NARS2: variants seen among roughly 807,000 people sequenced by gnomAD.
The protein encoded by NARS2 is asparaginyl-tRNA synthetase 2, mitochondrial, also known as asparaginyl-tRNA synthetase.
A neutral mutation model predicts 62.9 loss-of-function variants in NARS2; 60 were observed. The ratio of observed to expected loss-of-function variants is 0.95; its 90% confidence interval spans 0.77 to 1.18. NARS2 has a LOEUF of 1.18. NARS2 is among the 50% of genes most tolerant of loss of function. The pLI is 0.00. For synonymous variants in NARS2, 196 were observed against 200.0 expected (o/e 0.98, Z 0.17); for missense variants, 619 against 576.4 (o/e 1.07, Z -0.76).
intron 1 of NARS2, chr11:78,573,437 G>A (rs1283556824): frequency 6.6e-6 from 1 of 152,212 alleles, no homozygotes; most frequent in African/African-American, 2.4e-5. Flanking sequence ...TCTGGAGGCC[G>A]AGGCAGGAGG....
At chr11:78,454,297 T>C (rs10899505) in intron 11 of NARS2, among the ~76,000 whole-genome samples, 47,665 of 152,110 alleles carry the variant, frequency 0.31, 9,152 homozygotes, top group African/African-American at 0.53. Context: ...TGTGACCCTC[T>C]AATATTGGAG....
At chr11:78,443,861 C>A in intron 11 of NARS2, 103 bp from the exon 12 acceptor site, 1 of 735,940 alleles carries the variant, frequency 1.4e-6, no homozygotes, top group Admixed American at 2.3e-5. Flanking sequence ...GGCTAATTAA[C>A]TACCTACCAG....
At chr11:78,523,270 G>C (rs1861191664) in intron 6 of NARS2, among the ~76,000 whole-genome samples, 1 of 151,836 alleles carries the variant, frequency 6.6e-6, no homozygotes, top group Admixed American at 6.6e-5. Context: ...ACCATAATGA[G>C]ATACTACTTT....
chr11:78,566,946 C>G (rs1856764195), intron 3 of NARS2, among the ~76,000 whole-genome samples: 1 of 110,508 alleles, frequency 9.0e-6, no homozygotes, highest in South Asian at 3.2e-4. Context: ...CACTGGCAGC[C>G]TGTTTCTTTC....
chr11:78,450,155 C>A (rs1257717871), intron 11 of NARS2, among the ~76,000 whole-genome samples: 1 of 152,192 alleles, frequency 6.6e-6, no homozygotes, highest in East Asian at 1.9e-4. Flanking sequence ...GCACATAAAA[C>A]AGTTTTCCAT....
intron 6 of NARS2, among the ~76,000 whole-genome samples, chr11:78,514,644 C>G (rs1313856070): frequency 6.6e-6 from 1 of 152,170 alleles, no homozygotes. Flanking sequence ...CTTAGCCAGA[C>G]AGACCTCAGT....
chr11:78,447,258 G>C (rs754978685), intron 11 of NARS2, among the ~76,000 whole-genome samples: 1 of 151,654 alleles, frequency 6.6e-6, no homozygotes, highest in Non-Finnish European at 1.5e-5. Context: ...GGGTTCAAGC[G>C]ATCTCCTGCC....
intron 3 of NARS2, among the ~76,000 whole-genome samples, chr11:78,566,779 T>C (rs1205167187): frequency 6.6e-6 from 1 of 152,202 alleles, no homozygotes; most frequent in Non-Finnish European, 1.5e-5. Flanking sequence ...AGCAGAGTAG[T>C]AAAGATTTAC....
intron 9 of NARS2, among the ~76,000 whole-genome samples, chr11:78,476,341 T>G (rs1378046257): frequency 6.6e-6 from 1 of 152,118 alleles, no homozygotes; most frequent in African/African-American, 2.4e-5. Context: ...GAGACAGGAA[T>G]GGGCCTCCTA....
intron 5 of NARS2, among the ~76,000 whole-genome samples, chr11:78,541,097 T>G (rs546512768): frequency 3.3e-4 from 51 of 152,264 alleles, no homozygotes; most frequent in African/African-American, 1.2e-3. Flanking sequence ...AGGCAGAGGT[T>G]GTTGTGAGCT....
intron 7 of NARS2, among the ~76,000 whole-genome samples, chr11:78,480,640 G>A (rs758797935): frequency 5.3e-5 from 8 of 149,652 alleles, no homozygotes; most frequent in Non-Finnish European, 1.0e-4. Flanking sequence ...AAAAATTGGT[G>A]AGCATGTGGC....
At chr11:78,494,418 C>T (rs1859966314) in intron 6 of NARS2, among the ~76,000 whole-genome samples, 1 of 150,186 alleles carries the variant, frequency 6.7e-6, no homozygotes, top group African/African-American at 2.5e-5. Context: ...GATCAGAAAA[C>T]TTAGTGTAGA....
At chr11:78,506,865 G>C (rs1860519654) in intron 6 of NARS2, among the ~76,000 whole-genome samples, 1 of 152,180 alleles carries the variant, frequency 6.6e-6, no homozygotes, top group South Asian at 2.1e-4. Flanking sequence ...GAAACTTGCA[G>C]TCTATGGAAT....
In NARS2 at chr11:78,440,538, T is replaced by C. The variant is rs575902581; in HGVS notation, c.1289+553A>G. Among the ~76,000 whole-genome samples the C allele has an allele frequency of 5.8e-4, 74 of 127,260 alleles. 1 individual carries two copies. In the South Asian group the frequency reaches 0.017, roughly 28 times the overall value. The allele number at this position is 127,260 out of a possible 152,430, so 83.5% of individuals were successfully genotyped here. A position where few individuals can be genotyped will look rare whatever the true frequency, so the allele number is the denominator to read the frequency against. On this transcript the variant is annotated intron_variant, in intron 13 of 13. Transcript: ENST00000281038. ...GGATGATTACATGACATAATATAAT[T>C]TTTTTTTTTTTGAGACGAAGTCTCG...
intron 11 of NARS2, among the ~76,000 whole-genome samples, chr11:78,455,836 C>T (rs1027076088): frequency 2.0e-5 from 3 of 151,792 alleles, no homozygotes; most frequent in African/African-American, 7.3e-5. Context: ...TGAGAGGTAG[C>T]AGCCTCATCT....
intron 6 of NARS2, among the ~76,000 whole-genome samples, chr11:78,506,860 T>C (rs1378776594): frequency 1.3e-5 from 2 of 152,156 alleles, no homozygotes; most frequent in Non-Finnish European, 2.9e-5. Context: ...TTTTTGAAAC[T>C]TGCAGTCTAT....
intron 5 of NARS2, chr11:78,558,698 A>T (rs965361936): frequency 6.6e-6 from 1 of 152,236 alleles, no homozygotes; most frequent in Non-Finnish European, 1.5e-5. Flanking sequence ...GGGCAGGCTG[A>T]CAATGCCTGG....
chr11:78,572,451 A>C (rs923634638), intron 1 of NARS2, among the ~76,000 whole-genome samples: 3 of 152,202 alleles, frequency 2.0e-5, no homozygotes, highest in African/African-American at 7.2e-5. Context: ...GGAATTTCTT[A>C]CTTCAAAGTT....
intron 6 of NARS2, among the ~76,000 whole-genome samples, chr11:78,494,369 T>C (rs1276945384): frequency 6.6e-6 from 1 of 152,142 alleles, no homozygotes; most frequent in Non-Finnish European, 1.5e-5. Flanking sequence ...TCCTTGATCC[T>C]GAGCACACCT....
Sources: allele counts gnomAD v4.1 joint callset (sites outside exome capture counted in the v4.1 genomes callset), GRCh38; gene constraint gnomAD v4.1.1; transcripts MANE v1.5; gene names NCBI Gene and HGNC (gene_info 2026-07-23, HGNC 2026-07-21).